Variants in ALDH1A2 observed in about 807,000 individuals in gnomAD.
ALDH1A2 encodes the protein retinal dehydrogenase 2.
In ALDH1A2, 27 loss-of-function variants were observed where a neutral mutation model predicts 60.3. The ratio of observed to expected loss-of-function variants is 0.45; its 90% confidence interval spans 0.33 to 0.62. The LOEUF (loss-of-function observed/expected upper bound fraction) is 0.62, where lower values mean the gene tolerates loss of function less well. ALDH1A2 is among the 20% of genes least tolerant of loss of function. The pLI, the probability that ALDH1A2 is intolerant of heterozygous loss-of-function variation, is 0.02. For missense variants in ALDH1A2, 581 were observed against 643.8 expected (o/e 0.90, Z 1.06); for synonymous variants, 289 against 232.4 (o/e 1.24, Z -2.21).
chr15:58,056,594 TAC>T (rs145908921), intron 1 of ALDH1A2, among the ~76,000 whole-genome samples: 3,971 of 152,138 alleles, frequency 0.026, 170 homozygotes, highest in African/African-American at 0.089. Flanking sequence ...GTATGACAGT[TAC>T]ACAAGAAAAA....
intron 12 of ALDH1A2, 61 bp downstream of exon 12, chr15:57,960,709 C>G: frequency 2.1e-6 from 3 of 1,410,724 alleles, no homozygotes; most frequent in Non-Finnish European, 3.0e-6. Flanking sequence ...TTTTTAAGTA[C>G]TGCTCTGTGC....
intron 7 of ALDH1A2, among the ~76,000 whole-genome samples, chr15:57,969,646 A>C (rs1893998205): frequency 1.3e-5 from 2 of 152,228 alleles, no homozygotes; most frequent in African/African-American, 4.8e-5. Flanking sequence ...GATGATACCA[A>C]GTCCTATTCT....
intron 1 of ALDH1A2, chr15:58,065,320 G>A (rs766623646): frequency 2.5e-5 from 15 of 597,344 alleles, no homozygotes; most frequent in Non-Finnish European, 4.5e-5. Context: ...GCTTCGGGTT[G>A]GGTTAAGTCC....
intron 1 of ALDH1A2, among the ~76,000 whole-genome samples, chr15:58,020,800 T>C (rs1895906351): frequency 6.6e-6 from 1 of 152,230 alleles, no homozygotes; most frequent in Non-Finnish European, 1.5e-5. Flanking sequence ...ATCTTGATTG[T>C]CATTAACGTT....
intron 1 of ALDH1A2, among the ~76,000 whole-genome samples, chr15:58,019,134 AATT>A (rs1187408393): frequency 1.3e-5 from 2 of 152,178 alleles, no homozygotes; most frequent in African/African-American, 4.8e-5. Flanking sequence ...GTAAATCTGA[AATT>A]ATTTCAAAAT....
intron 12 of ALDH1A2, among the ~76,000 whole-genome samples, chr15:57,958,777 G>T (rs1165807687): frequency 6.6e-6 from 1 of 152,052 alleles, no homozygotes; most frequent in Admixed American, 6.5e-5. Context: ...TGTCACTCAG[G>T]GTCATTTAAG....
intron 1 of ALDH1A2, among the ~76,000 whole-genome samples, chr15:58,020,476 A>T (rs1476800961): frequency 6.6e-6 from 1 of 152,160 alleles, no homozygotes; most frequent in Non-Finnish European, 1.5e-5. Flanking sequence ...GAGGAACAAA[A>T]TTTTCTTATA....
In ALDH1A2 at chr15:58,008,890, A is replaced by T. The variant is rs770760890; in HGVS notation, c.493+1759T>A. On this transcript the variant is annotated intron_variant, in intron 4 of 12. Coordinates refer to ENST00000249750, the MANE Select transcript of ALDH1A2 (RefSeq NM_003888.4). ...AGTGACTTTCTACCTCACTTAGGCC[A>T]TCCCCACATCTTGCAAGTGATGCTG... Among the ~76,000 whole-genome samples, 13 of 152,098 alleles carry T rather than the reference A, an allele frequency of 8.5e-5. 1 individual carries two copies. The highest frequency in any genetic ancestry group is 1.9e-4 in the Non-Finnish European group (13 of 67,992).
intron 12 of ALDH1A2, among the ~76,000 whole-genome samples, chr15:57,956,240 G>A (rs187751582): frequency 1.3e-5 from 2 of 152,312 alleles, no homozygotes; most frequent in Non-Finnish European, 2.9e-5. Context: ...GAGGAAGGGC[G>A]AGCTTCCTAT....
intron 4 of ALDH1A2, among the ~76,000 whole-genome samples, chr15:58,000,342 C>T (rs1472951622): frequency 6.6e-6 from 1 of 151,930 alleles, no homozygotes; most frequent in African/African-American, 2.4e-5. Flanking sequence ...CTAGGGCTAA[C>T]AGCACCCCAG....
intron 1 of ALDH1A2, among the ~76,000 whole-genome samples, chr15:58,026,080 G>A (rs2140533148): frequency 1.3e-5 from 2 of 152,190 alleles, no homozygotes; most frequent in East Asian, 3.9e-4. Context: ...ATTCTATAAG[G>A]CTAGCATCAC....
chr15:58,062,591 T>C (rs1897069045), intron 1 of ALDH1A2, among the ~76,000 whole-genome samples: 1 of 152,162 alleles, frequency 6.6e-6, no homozygotes, highest in Non-Finnish European at 1.5e-5. Flanking sequence ...CAGAATGCAG[T>C]CTTCTTAGGA....
In ALDH1A2 at chr15:58,013,995, C is replaced by G. The variant is rs1895715308; in HGVS notation, c.226G>C (p.Asp76His). Reference sequence around the variant, plus strand: ...GCTGCCTGCACTGCTTTGTCTATATCTGCCTGTTAGAGAGGAAGAGGCACA... The same window carrying G: ...GCTGCCTGCACTGCTTTGTCTATATGTGCCTGTTAGAGAGGAAGAGGCACA... Reference protein sequence around the residue: ...VCEVQEADKADIDKAVQAARL... With the variant: ...VCEVQEADKAHIDKAVQAARL... The change falls in exon 3 of 13, where the codon GAT (aspartate) becomes CAT (histidine). Residue 76 changes from aspartate to histidine, a missense_variant. Physicochemically the swap from Asp to His is moderately conservative, Grantham distance 81. This residue lies in a region of ALDH1A2 where 206 missense variants were observed against 174.1 expected (regional missense o/e 1.18). Transcript: ENST00000249750. 5.0e-6 allele frequency: 8 copies of G among 1,613,984 alleles called. No individual in the cohort carries two copies. The highest frequency in any genetic ancestry group is 6.8e-6 in the Non-Finnish European group (8 of 1,180,010).
chr15:58,060,463 C>CTTTTTTTTTTTTTTTTTTTTTTTTTTT (rs35187901), intron 1 of ALDH1A2, among the ~76,000 whole-genome samples: 1 of 87,510 alleles, frequency 1.1e-5, no homozygotes, highest in African/African-American at 4.3e-5. Context: ...CCACACATAT[C>CTTTTTTTTTTTTTTTTTTTTTTTTTTT]TTTTTTTTTT....
At chr15:58,059,144 A>C (rs1311790873) in intron 1 of ALDH1A2, among the ~76,000 whole-genome samples, 2 of 152,250 alleles carry the variant, frequency 1.3e-5, no homozygotes. Context: ...GTAATTCCCA[A>C]TGTGCATAAT....
intron 1 of ALDH1A2, among the ~76,000 whole-genome samples, chr15:58,060,794 G>C (rs1260800333): frequency 6.6e-6 from 1 of 152,124 alleles, no homozygotes; most frequent in African/African-American, 2.4e-5. Context: ...ACAGTTTGCT[G>C]ACCCCTGATA....
At chr15:58,035,413 G>C (rs1196376882) in intron 1 of ALDH1A2, among the ~76,000 whole-genome samples, 1 of 151,096 alleles carries the variant, frequency 6.6e-6, no homozygotes, top group Non-Finnish European at 1.5e-5. Context: ...CAGTTTTATT[G>C]TCTTTATTGT....
At chr15:58,013,709 G>A (rs1895702624) in intron 3 of ALDH1A2, 149 bp downstream of exon 3, 2 of 1,027,836 alleles carry the variant, frequency 1.9e-6, no homozygotes, top group Non-Finnish European at 1.3e-6. Flanking sequence ...CTGAAATCGT[G>A]CCACTGCGCT....
intron 1 of ALDH1A2, chr15:58,014,603 A>G (rs1361277500): frequency 4.3e-6 from 2 of 462,482 alleles, no homozygotes; most frequent in South Asian, 1.6e-5. Flanking sequence ...CGATAGCCCA[A>G]GCTCTGGCTA....
Sources: allele counts gnomAD v4.1 joint callset (sites outside exome capture counted in the v4.1 genomes callset), GRCh38; gene constraint gnomAD v4.1.1; regional missense constraint gnomAD v4.1.1; transcripts MANE v1.5; gene names NCBI Gene and HGNC (gene_info 2026-07-23, HGNC 2026-07-21).